The following SERINC5 variants were observed in gnomAD, a reference collection of about 807,000 sequenced individuals.
The protein encoded by SERINC5 is serine incorporator 5.
A neutral mutation model predicts 63.1 loss-of-function variants in SERINC5; 41 were observed. That is an observed-to-expected ratio of 0.65 (90% confidence interval 0.51 to 0.84). SERINC5 has a LOEUF of 0.84. Ranked by LOEUF, SERINC5 falls within the 40% of genes least tolerant of loss-of-function variation. The pLI is 0.00. For synonymous variants in SERINC5, 222 were observed against 215.2 expected (o/e 1.03, Z -0.28); for missense variants, 523 against 573.0 (o/e 0.91, Z 0.89).
chr5:80,238,851 A>C (rs928601666), intron 1 of SERINC5, among the ~76,000 whole-genome samples: 29 of 151,948 alleles, frequency 1.9e-4, no homozygotes, highest in Non-Finnish European at 2.4e-4. Flanking sequence ...GACTGTGTTT[A>C]AAATCCATAG....
At chr5:80,169,971 G>T (rs924450804) in intron 5 of SERINC5, among the ~76,000 whole-genome samples, 2 of 152,254 alleles carry the variant, frequency 1.3e-5, no homozygotes, top group South Asian at 4.1e-4. Context: ...GTTGCAGAAG[G>T]CTCAGTATTT....
chr5:80,227,430 A>C (rs1751218373), intron 1 of SERINC5, among the ~76,000 whole-genome samples: 1 of 152,022 alleles, frequency 6.6e-6, no homozygotes, highest in African/African-American at 2.4e-5. Context: ...TCTAGAGCAG[A>C]GCTGTCTCTA....
chr5:80,137,157 A>C (rs569721054), downstream of SERINC5, among the ~76,000 whole-genome samples: 306 of 104,412 alleles, frequency 2.9e-3, 3 homozygotes, highest in South Asian at 0.04. Context: ...AAAAAAAAAA[A>C]AAAAAACAAA....
In SERINC5 at chr5:80,212,884, C is replaced by T. The variant is rs114053643; in HGVS notation, c.28-9831G>A. ...TATTCTAGAAAACTCAACACATACA[C>T]ATGTGGTTTATCTGGGGCTTACAGT... On this transcript the variant is annotated intron_variant, in intron 1 of 11. Transcript: ENST00000507668. Among the ~76,000 whole-genome samples, 992 of 152,254 alleles carry T rather than the reference C, an allele frequency of 6.5e-3. 6 individuals carry two copies. The highest frequency in any genetic ancestry group is 0.015 in the South Asian group (70 of 4,822).
intron 1 of SERINC5, among the ~76,000 whole-genome samples, chr5:80,238,775 C>T (rs141143165): frequency 4.9e-4 from 54 of 109,506 alleles, no homozygotes; most frequent in African/African-American, 1.9e-3. Context: ...AGCCACAGAG[C>T]AAGACTTCAT....
intron 2 of SERINC5, among the ~76,000 whole-genome samples, chr5:80,187,445 T>G (rs965023422): frequency 2.0e-5 from 3 of 152,162 alleles, no homozygotes; most frequent in Non-Finnish European, 4.4e-5. Flanking sequence ...CATGAAGTAC[T>G]TCCAGGGTCC....
Position 80,143,187 on chromosome 5 carries a change from T to A in SERINC5, c.*476A>T, listed in dbSNP as rs1175025380. 9.1e-6 allele frequency: 9 copies of A among 986,806 alleles called. No homozygotes were observed. Among genetic ancestry groups the A allele is most frequent in the East Asian group, 2.3e-4 (2 of 8,862 alleles). 61.1% of individuals were successfully genotyped at this position (986,806 alleles called of 1,614,324 possible). Reference sequence around the variant, plus strand: ...AATACCAGGGGCCCTGCAGGCTGAGTCCTGTCCTCAAAGCCCCCTGGGGAC... The same window carrying A: ...AATACCAGGGGCCCTGCAGGCTGAGACCTGTCCTCAAAGCCCCCTGGGGAC... On this transcript the variant is annotated 3_prime_UTR_variant, in exon 12 of 12. Coordinates refer to ENST00000507668, the MANE Select transcript of SERINC5 (RefSeq NM_001174072.3).
At chr5:80,147,976 G>C (rs1245147882) in intron 9 of SERINC5, among the ~76,000 whole-genome samples, 1 of 152,152 alleles carries the variant, frequency 6.6e-6, no homozygotes, top group African/African-American at 2.4e-5. Flanking sequence ...ACGAATGCAG[G>C]ATGGGGACAC....
At chr5:80,120,909 C>A (rs749858696) in intron 11 of SERINC5, among the ~76,000 whole-genome samples, 41 of 151,662 alleles carry the variant, frequency 2.7e-4, no homozygotes, top group Admixed American at 3.9e-4. Context: ...TTTTTTGAGA[C>A]AGAATTTCGC....
At chr5:80,134,850 G>C (rs926339996), downstream of SERINC5, among the ~76,000 whole-genome samples, 3 of 152,222 alleles carry the variant, frequency 2.0e-5, no homozygotes, top group Non-Finnish European at 4.4e-5. Flanking sequence ...CCCAGAGAGG[G>C]AGCGTATCTT....
At chr5:80,190,145 T>C (rs1749094483) in intron 2 of SERINC5, among the ~76,000 whole-genome samples, 1 of 126,956 alleles carries the variant, frequency 7.9e-6, no homozygotes, top group South Asian at 2.6e-4. Flanking sequence ...AGGGTCTCAC[T>C]CAGTCACCCA....
chr5:80,173,279 AAGAAAATGAAATG>A (rs1561393282), intron 5 of SERINC5, among the ~76,000 whole-genome samples: 1 of 147,328 alleles, frequency 6.8e-6, no homozygotes, highest in Non-Finnish European at 1.5e-5. Context: ...GGAAGGAAGG[AAGAAAATGAAATG>A]AAATGAAATG....
At chr5:80,167,322 G>A (rs866499999) in intron 6 of SERINC5, 1 of 152,096 alleles carries the variant, frequency 6.6e-6, no homozygotes, top group Admixed American at 6.6e-5. Flanking sequence ...TTTTAAGCAA[G>A]AACATGTGGT....
rs371483098 is a variant in SERINC5, at chr5:80,175,912, C to T, written c.458-865G>A. ...GACTGAGCTTGGCCGGCCGCAGTGG[C>T]TCACACCTGTAAATCCCAGCACTTT... On this transcript the variant is annotated intron_variant, in intron 4 of 11. Coordinates refer to ENST00000507668, the MANE Select transcript of SERINC5 (RefSeq NM_001174072.3). 7.0e-4 allele frequency among the ~76,000 whole-genome samples: 104 copies of T among 147,834 alleles called. 3 individuals are homozygous for T. The East Asian group carries it at 0.019, about 27-fold the overall frequency.
chr5:80,177,812 C>T, intron 3 of SERINC5, 74 bp downstream of exon 3: 1 of 1,155,634 alleles, frequency 8.7e-7, no homozygotes, highest in Non-Finnish European at 1.2e-6. Flanking sequence ...GTCTGGTGGG[C>T]AGATGGGATC....
chr5:80,152,427 G>A (rs1323536331), intron 8 of SERINC5, among the ~76,000 whole-genome samples: 1 of 151,438 alleles, frequency 6.6e-6, no homozygotes, highest in African/African-American at 2.4e-5. Context: ...ATTGAGCCTG[G>A]GAGGTTGTAG....
At chr5:80,162,120 T>C (rs1026935416) in intron 7 of SERINC5, among the ~76,000 whole-genome samples, 8 of 152,220 alleles carry the variant, frequency 5.3e-5, no homozygotes, top group Non-Finnish European at 1.2e-4. Context: ...GTAGCATAAT[T>C]TGAAGAAGGG....
In SERINC5 at chr5:80,233,791, T is replaced by A. The variant is rs550243351; in HGVS notation, c.27+22105A>T. On this transcript the variant is annotated intron_variant, in intron 1 of 11. Coordinates refer to ENST00000507668, the MANE Select transcript of SERINC5 (RefSeq NM_001174072.3). ...AAGTTTACAGGAAGTATTTTATAGA[T>A]CTTTCAACTTTTACTTTTTTTTTTT... Among the ~76,000 whole-genome samples, 159 of 149,586 alleles carry A rather than the reference T, an allele frequency of 1.1e-3. 1 individual carries two copies. In the Middle Eastern group the frequency reaches 0.014, roughly 13 times the overall value.
intron 11 of SERINC5, among the ~76,000 whole-genome samples, chr5:80,144,611 C>G (rs1387258802): frequency 6.6e-6 from 1 of 152,142 alleles, no homozygotes; most frequent in African/African-American, 2.4e-5. Flanking sequence ...AGCATTAAAG[C>G]TCCCTTCTCC....
Sources: gnomAD v4.1 joint callset for allele counts (sites outside exome capture counted in the v4.1 genomes callset) on GRCh38, gnomAD v4.1.1 for gene constraint, MANE v1.5 for transcripts, NCBI Gene and HGNC (gene_info 2026-07-23, HGNC 2026-07-21) for gene names.